ARHGEF6: variants seen among roughly 807,000 people sequenced by gnomAD.
ARHGEF6 encodes Rac/Cdc42 guanine nucleotide exchange factor 6.
A neutral mutation model predicts 70.3 loss-of-function variants in ARHGEF6; 9 were observed. That is an observed-to-expected ratio of 0.13 (90% CI 0.08 to 0.22). ARHGEF6 has a LOEUF of 0.22. Ranked by LOEUF, ARHGEF6 falls within the 10% of genes least tolerant of loss-of-function variation. ARHGEF6 has a pLI of 1.00. For synonymous variants in ARHGEF6, 201 were observed against 207.8 expected, an observed-to-expected ratio of 0.97 and a Z score of 0.28; for missense variants, 470 against 563.0, an observed-to-expected ratio of 0.83 and a Z score of 1.67.
At chrX:136,737,707 G>C (rs1451227637) in intron 5 of ARHGEF6, among the ~76,000 whole-genome samples, 1 of 103,048 alleles carries the variant, frequency 9.7e-6, no homozygotes, top group African/African-American at 3.6e-5. Context: ...AAAAGACAGA[G>C]AGAGATTAAT....
At chrX:136,690,549 G>T in intron 10 of ARHGEF6, 61 bp downstream of exon 10, 1 of 1,193,288 alleles carries the variant, frequency 8.4e-7, no homozygotes, top group Non-Finnish European at 1.1e-6. Context: ...AATTGGCTGC[G>T]TCCTCCAGAG....
Position 136,672,042 on chromosome X carries a change from C to G in ARHGEF6, c.2113G>C (p.Gly705Arg). 1 of 1,209,819 alleles carries G rather than the reference C, an allele frequency of 8.3e-7. No individual in the cohort carries two copies. The highest frequency in any genetic ancestry group is 1.1e-6 in the Non-Finnish European group (1 of 893,784). ...KLIIEETRSN[G>R]QTIMEEKSLV... ...CACTTTTCTTCCATGATGGTCTGGC[C>G]GTTGCTTCTGGTTTCTTCAATGATG... The change falls in exon 20 of 22, where the codon GGC becomes CGC. Residue 705 changes from glycine (G) to arginine (R), a missense_variant. By Grantham distance (125) the Gly-to-Arg change is moderately radical. Transcript: ENST00000250617.
At chrX:136,675,352 G>C (rs1363563658) in intron 18 of ARHGEF6, among the ~76,000 whole-genome samples, 3 of 108,790 alleles carry the variant, frequency 2.8e-5, no homozygotes, top group Admixed American at 9.8e-5. Context: ...GACCGGGGTG[G>C]GGGGGGCGGT....
intron 6 of ARHGEF6, among the ~76,000 whole-genome samples, chrX:136,714,543 A>G (rs1354157449): frequency 8.9e-6 from 1 of 112,297 alleles, no homozygotes; most frequent in African/African-American, 3.2e-5. Context: ...GGGAGTTTAT[A>G]CTGTATTTGC....
chrX:136,688,070 G>T, intron 10 of ARHGEF6, 79 bp from the exon 11 acceptor site: 1 of 744,388 alleles, frequency 1.3e-6, no homozygotes. Context: ...TAGAAAGAGA[G>T]TATGGCCACA....
At chrX:136,702,289 A>G (rs2076584442) in intron 9 of ARHGEF6, among the ~76,000 whole-genome samples, 1 of 112,076 alleles carries the variant, frequency 8.9e-6, no homozygotes, top group South Asian at 3.7e-4. Flanking sequence ...AAAAGTGAAA[A>G]TAAAATGTTT....
intron 5 of ARHGEF6, among the ~76,000 whole-genome samples, chrX:136,742,429 G>A (rs1388728484): frequency 8.9e-6 from 1 of 111,931 alleles, no homozygotes; most frequent in African/African-American, 3.2e-5. Context: ...TCAATTTTGA[G>A]GCATTGAAAA....
intron 16 of ARHGEF6, 66 bp from the exon 17 acceptor site, chrX:136,678,022 C>T: frequency 3.2e-6 from 3 of 951,424 alleles, no homozygotes; most frequent in Admixed American, 2.2e-5. Flanking sequence ...TGACCAAATC[C>T]ACTTATCAAT....
chrX:136,735,015 TAC>T (rs961634463), intron 5 of ARHGEF6, among the ~76,000 whole-genome samples: 4 of 111,987 alleles, frequency 3.6e-5, no homozygotes. Flanking sequence ...ACAAAAAACC[TAC>T]AGTTAGCATC....
chrX:136,755,115 C>T (rs1162374544), intron 2 of ARHGEF6, among the ~76,000 whole-genome samples: 2 of 112,209 alleles, frequency 1.8e-5, no homozygotes, highest in Admixed American at 9.4e-5. Context: ...ACATAATCAC[C>T]GTGTTGAGCC....
chrX:136,770,794 C>T (rs1364978589), intron 2 of ARHGEF6, among the ~76,000 whole-genome samples: 4 of 112,139 alleles, frequency 3.6e-5, no homozygotes, highest in Non-Finnish European at 5.6e-5. Flanking sequence ...CTCAGGAGCT[C>T]GAGACCAGCC....
intron 2 of ARHGEF6, among the ~76,000 whole-genome samples, chrX:136,752,875 C>G (rs774555556): frequency 8.9e-6 from 1 of 112,289 alleles, no homozygotes; most frequent in East Asian, 2.8e-4. Flanking sequence ...TCTTGAATCA[C>G]ATTCTTTAAT....
intron 2 of ARHGEF6, chrX:136,767,752 C>T: frequency 6.6e-6 from 5 of 754,869 alleles, no homozygotes; most frequent in Non-Finnish European, 7.8e-6. Context: ...GGAAAGCGGC[C>T]TGGAGGCACT....
chrX:136,727,397 C>CTTTCTT (rs1285307734), intron 6 of ARHGEF6, among the ~76,000 whole-genome samples: 118 of 76,193 alleles, frequency 1.5e-3, no homozygotes, highest in East Asian at 9.4e-3. Flanking sequence ...TTCTTTCTTT[C>CTTTCTT]TCTCTCTCTC....
intron 2 of ARHGEF6, among the ~76,000 whole-genome samples, chrX:136,773,135 A>G (rs1408717503): frequency 1.8e-5 from 2 of 111,306 alleles, no homozygotes; most frequent in African/African-American, 3.3e-5. Flanking sequence ...CCCAGTACTC[A>G]ATTTGTCGGT....
At chrX:136,704,527 G>A (rs2076607244) in intron 9 of ARHGEF6, among the ~76,000 whole-genome samples, 3 of 111,882 alleles carry the variant, frequency 2.7e-5, no homozygotes, top group African/African-American at 9.8e-5. Context: ...AACAAAGGAG[G>A]TTTAATTGAC....
Position 136,680,755 on chromosome X carries a change from T to C in ARHGEF6, c.1680A>G (p.Ser560=). 1.7e-6 allele frequency: 2 copies of C among 1,211,046 alleles called. No homozygotes were observed. The highest frequency in any genetic ancestry group is 1.8e-5 in the South Asian group (1 of 56,974). Residue 560 remains serine (S), a synonymous_variant, in exon 15 of 22, where the codon TCA becomes TCG. Coordinates refer to ENST00000250617, the MANE Select transcript of ARHGEF6 (RefSeq NM_004840.3). ...PASCSSLSKT[S]SSSCSAHSSF... ...CAGAATGAGCACTACATGATGACGA[T>C]GAGGTTTTGGATAATGAACTGCAAG...
intron 9 of ARHGEF6, among the ~76,000 whole-genome samples, chrX:136,694,056 CTT>C (rs1222897407): frequency 1.2e-4 from 12 of 96,187 alleles, no homozygotes; most frequent in Non-Finnish European, 1.2e-4. Context: ...GTCCCCACTC[CTT>C]TTTTTTTTTT....
At chrX:136,701,988 C>T (rs752627676) in intron 9 of ARHGEF6, among the ~76,000 whole-genome samples, 13 of 110,866 alleles carry the variant, frequency 1.2e-4, no homozygotes, top group East Asian at 2.8e-4. Context: ...ATTACAGGCG[C>T]GAGCCACCGC....
Sources: gnomAD v4.1 joint callset for allele counts (sites outside exome capture counted in the v4.1 genomes callset) on GRCh38, gnomAD v4.1.1 for gene constraint, MANE v1.5 for transcripts, NCBI Gene and HGNC (gene_info 2026-07-23, HGNC 2026-07-21) for gene names.